The following LINGO2 variants were observed in gnomAD, a reference collection of about 807,000 sequenced individuals.
The protein encoded by LINGO2 is leucine-rich repeat and immunoglobulin-like domain-containing nogo receptor-interacting protein 2.
Under a neutral mutation model 30.6 loss-of-function variants are expected in LINGO2, and 14 were observed. That is an observed-to-expected ratio of 0.46 (90% confidence interval 0.30 to 0.72). LINGO2 has a LOEUF of 0.72. Among genes scored for constraint, LINGO2 ranks in the 30% least tolerant of loss-of-function variants. LINGO2 has a pLI of 0.07. For synonymous variants in LINGO2, 317 were observed against 288.5 expected (o/e 1.10, Z -1.00); for missense variants, 729 against 751.7 (o/e 0.97, Z 0.35).
the LINGO2 span, among the ~76,000 whole-genome samples, chr9:28,774,671 T>A: frequency 6.6e-6 from 1 of 152,158 alleles, no homozygotes; most frequent in African/African-American, 2.4e-5. Flanking sequence ...TGACTGCACT[T>A]CTAAATCCAC....
intron 2 of LINGO2, among the ~76,000 whole-genome samples, chr9:28,468,150 A>G (rs1344659221): frequency 6.6e-6 from 1 of 152,180 alleles, no homozygotes; most frequent in Non-Finnish European, 1.5e-5. Context: ...AAACCAAGCA[A>G]ATGCCCAATC....
At chr9:28,689,461 C>T in the LINGO2 span, among the ~76,000 whole-genome samples, 2 of 151,818 alleles carry the variant, frequency 1.3e-5, no homozygotes. Context: ...AAAAAAAACT[C>T]AACATCATTA....
At position 28,329,982 on chromosome 9, in the gene LINGO2, C is replaced by T. The variant is rs1352301995; in HGVS notation, c.-245-34616G>A. Among the ~76,000 whole-genome samples, 9 of 152,146 alleles carry T rather than the reference C, an allele frequency of 5.9e-5. No homozygotes were observed. In the South Asian group the frequency reaches 6.2e-4, roughly 11 times the overall value. On this transcript the variant is annotated intron_variant, in intron 3 of 5. Transcript: ENST00000379992. This position sits in a 1 kb window ranked among gnomAD's most constrained non-coding sequence, Gnocchi z 4.5. ...TGAGCTTGCTATTTACTGAATTCTGCGCCCCTAGTGTTCATCTATTGAAGC... is the reference window on the plus strand; with the variant it reads ...TGAGCTTGCTATTTACTGAATTCTGTGCCCCTAGTGTTCATCTATTGAAGC...
chr9:28,373,464 C>T (rs1820983901), intron 2 of LINGO2, among the ~76,000 whole-genome samples: 1 of 152,166 alleles, frequency 6.6e-6, no homozygotes, highest in Admixed American at 6.5e-5. Context: ...AATATTCAAA[C>T]TGCAAGCCAC....
At chr9:28,264,317 C>G (rs992591391) in intron 4 of LINGO2, among the ~76,000 whole-genome samples, 1 of 151,850 alleles carries the variant, frequency 6.6e-6, no homozygotes, top group African/African-American at 2.4e-5. Context: ...AAAGGGGGTA[C>G]AATTGATCTG....
chr9:28,267,650 G>A (rs973874538), intron 4 of LINGO2, among the ~76,000 whole-genome samples: 1 of 151,956 alleles, frequency 6.6e-6, no homozygotes, highest in Non-Finnish European at 1.5e-5. Context: ...CACCAATCCT[G>A]AGCCCAGCTT....
chr9:29,075,446 T>C, the LINGO2 span, among the ~76,000 whole-genome samples: 1 of 152,158 alleles, frequency 6.6e-6, no homozygotes, highest in Non-Finnish European at 1.5e-5. Context: ...ATGTAATAGC[T>C]TTAATTTTTT....
chr9:28,256,010 G>A (rs770329411), intron 4 of LINGO2, among the ~76,000 whole-genome samples: 10 of 151,976 alleles, frequency 6.6e-5, no homozygotes, highest in Non-Finnish European at 1.5e-4. Context: ...TCATGTACAT[G>A]TCCAAATATA....
the LINGO2 span, among the ~76,000 whole-genome samples, chr9:29,180,836 C>T: frequency 6.6e-6 from 1 of 151,960 alleles, no homozygotes; most frequent in Non-Finnish European, 1.5e-5. Context: ...TCCAAGATCG[C>T]AAAATAACAG....
At chr9:28,622,979 G>A (rs933082500) in intron 1 of LINGO2, among the ~76,000 whole-genome samples, 2 of 151,914 alleles carry the variant, frequency 1.3e-5, no homozygotes, top group Non-Finnish European at 2.9e-5. Flanking sequence ...CTTGCCATTT[G>A]TATGTCTTAT....
chr9:28,775,662 G>T, the LINGO2 span, among the ~76,000 whole-genome samples: 15 of 152,246 alleles, frequency 9.9e-5, no homozygotes, highest in African/African-American at 3.4e-4. Flanking sequence ...CTGAGAAGAA[G>T]AATTTCATGA....
chr9:28,514,987 C>G (rs75153658), intron 1 of LINGO2, among the ~76,000 whole-genome samples: 2,595 of 151,682 alleles, frequency 0.017, 81 homozygotes, highest in African/African-American at 0.059. Flanking sequence ...AGCATGGTTA[C>G]TGAATATTTT....
chr9:28,842,999 A>G, the LINGO2 span, among the ~76,000 whole-genome samples: 2 of 151,856 alleles, frequency 1.3e-5, no homozygotes, highest in Admixed American at 6.6e-5. Context: ...ATGATATACA[A>G]TGGGTGATTT....
chr9:29,044,991 T>G, the LINGO2 span, among the ~76,000 whole-genome samples: 1 of 152,166 alleles, frequency 6.6e-6, no homozygotes, highest in Non-Finnish European at 1.5e-5. Context: ...AAATATCTTA[T>G]TGTACTATAT....
At chr9:28,823,315 G>T in the LINGO2 span, among the ~76,000 whole-genome samples, 2 of 152,160 alleles carry the variant, frequency 1.3e-5, no homozygotes, top group Non-Finnish European at 2.9e-5. Context: ...CATCTAGGCA[G>T]ATGGTTCCTA....
chr9:28,160,825 C>G (rs972910247), intron 4 of LINGO2, among the ~76,000 whole-genome samples: 2 of 152,126 alleles, frequency 1.3e-5, no homozygotes, highest in African/African-American at 4.8e-5. Context: ...TGATTTCTGC[C>G]TCTTGGCTCC....
intron 4 of LINGO2, among the ~76,000 whole-genome samples, chr9:28,056,004 A>T (rs1824922759): frequency 6.6e-6 from 1 of 152,200 alleles, no homozygotes; most frequent in South Asian, 2.1e-4. Flanking sequence ...TGAGACGAAA[A>T]GAAAGAACAT....
chr9:27,997,430 A>G (rs1237156291), intron 5 of LINGO2, among the ~76,000 whole-genome samples: 1 of 151,928 alleles, frequency 6.6e-6, no homozygotes, highest in Non-Finnish European at 1.5e-5. Context: ...ATCTGAGTCC[A>G]GATGAACTTC....
chr9:28,327,450 T>C (rs901500855), intron 3 of LINGO2, among the ~76,000 whole-genome samples: 2 of 152,182 alleles, frequency 1.3e-5, no homozygotes, highest in Non-Finnish European at 2.9e-5. Flanking sequence ...TTCAAGCTCA[T>C]TTTGTGAGTT....
Sources: gnomAD v4.1 joint callset for allele counts (sites outside exome capture counted in the v4.1 genomes callset) on GRCh38, gnomAD v4.1.1 for gene constraint, Gnocchi (gnomAD v3.1) non-coding constraint, MANE v1.5 for transcripts, NCBI Gene and HGNC (gene_info 2026-07-23, HGNC 2026-07-21) for gene names.